BMAL2: variants seen among roughly 807,000 people sequenced by gnomAD.
BMAL2 encodes the protein basic helix-loop-helix ARNT-like protein 2.
chr12:27,355,234 C>G, the BMAL2 span, among the ~76,000 whole-genome samples: 6 of 152,200 alleles, frequency 3.9e-5, 1 homozygote, highest in African/African-American at 1.4e-4. Context: ...GACATTTCCT[C>G]TCCTCCCCAT....
At chr12:27,355,902 C>T in the BMAL2 span, among the ~76,000 whole-genome samples, 3 of 152,206 alleles carry the variant, frequency 2.0e-5, no homozygotes, top group African/African-American at 4.8e-5. Flanking sequence ...TGTGAGCCTT[C>T]GCTCCCCTAA....
chr12:27,419,747 C>T, the BMAL2 span, among the ~76,000 whole-genome samples: 1 of 152,168 alleles, frequency 6.6e-6, no homozygotes, highest in Non-Finnish European at 1.5e-5. Context: ...ATCTGAAGTT[C>T]CACTGTACTT....
At chr12:27,401,153 T>A in the BMAL2 span, 1 of 902,260 alleles carries the variant, frequency 1.1e-6, no homozygotes, top group Non-Finnish European at 1.8e-6. Flanking sequence ...ACTCATCCCC[T>A]ACCCTGTGCA....
the BMAL2 span, among the ~76,000 whole-genome samples, chr12:27,410,227 C>T: frequency 3.9e-5 from 6 of 152,146 alleles, no homozygotes; most frequent in Admixed American, 3.9e-4. Flanking sequence ...CCATTTGACC[C>T]AGCAATCCCA....
At chr12:27,407,095 A>AAGTAG in the BMAL2 span, among the ~76,000 whole-genome samples, 1 of 152,230 alleles carries the variant, frequency 6.6e-6, no homozygotes, top group Non-Finnish European at 1.5e-5. Flanking sequence ...TCATAAAGCA[A>AAGTAG]GTCCTTAGAG....
chr12:27,415,868 G>A, the BMAL2 span: 6 of 1,595,466 alleles, frequency 3.8e-6, no homozygotes, highest in Non-Finnish European at 5.1e-6. Flanking sequence ...ACTTTTTAAA[G>A]GTTACAGTCT....
the BMAL2 span, chr12:27,401,421 T>C: frequency 6.4e-7 from 1 of 1,554,672 alleles, no homozygotes; most frequent in African/African-American, 1.4e-5. Context: ...GTTTTAACTC[T>C]TAATTTCCCA....
the BMAL2 span, among the ~76,000 whole-genome samples, chr12:27,410,990 A>G: frequency 1.3e-5 from 2 of 152,168 alleles, no homozygotes; most frequent in Admixed American, 6.5e-5. Flanking sequence ...ATACGGTAAA[A>G]TAGACAAACT....
chr12:27,409,128 A>G, the BMAL2 span, among the ~76,000 whole-genome samples: 2 of 152,210 alleles, frequency 1.3e-5, no homozygotes, highest in South Asian at 2.1e-4. Flanking sequence ...TTCCATGCTC[A>G]TGGGTAGGAA....
the BMAL2 span, chr12:27,376,384 TC>T: frequency 3.7e-6 from 6 of 1,613,858 alleles, no homozygotes; most frequent in Non-Finnish European, 5.1e-6. Context: ...ATGAAGGCCT[TC>T]AGGTACAATT....
At chr12:27,400,839 C>A in the BMAL2 span, 2 of 1,352,796 alleles carry the variant, frequency 1.5e-6, no homozygotes, top group Non-Finnish European at 2.0e-6. Flanking sequence ...AAAGGCGTGT[C>A]TTAGTAGCAC....
chr12:27,408,716 A>G, the BMAL2 span, among the ~76,000 whole-genome samples: 3 of 152,112 alleles, frequency 2.0e-5, no homozygotes, highest in Non-Finnish European at 4.4e-5. Context: ...CCACTCCTAT[A>G]CAACATAGTG....
the BMAL2 span, among the ~76,000 whole-genome samples, chr12:27,344,801 C>G: frequency 1.3e-5 from 2 of 152,112 alleles, no homozygotes; most frequent in South Asian, 2.1e-4. Flanking sequence ...TTTCTCTGAG[C>G]CTTGGTTTTC....
the BMAL2 span, among the ~76,000 whole-genome samples, chr12:27,404,994 C>T: frequency 6.6e-6 from 1 of 152,160 alleles, no homozygotes; most frequent in South Asian, 2.1e-4. Context: ...CGGAGCCTCG[C>T]TCATTGCTAG....
chr12:27,401,557 C>A, the BMAL2 span: 1 of 1,605,798 alleles, frequency 6.2e-7, no homozygotes, highest in Admixed American at 1.7e-5. Context: ...CTTACAGATT[C>A]CTACAAATTC....
chr12:27,343,238 A>G, the BMAL2 span, among the ~76,000 whole-genome samples: 1 of 152,196 alleles, frequency 6.6e-6, no homozygotes, highest in African/African-American at 2.4e-5. Context: ...TATTTGTAAA[A>G]CTTTAACATT....
the BMAL2 span, among the ~76,000 whole-genome samples, chr12:27,385,169 C>T: frequency 6.6e-6 from 1 of 152,084 alleles, no homozygotes; most frequent in Non-Finnish European, 1.5e-5. Context: ...TAAAAATTAG[C>T]TGGGCGTGGT....
chr12:27,381,416 CAG>C, the BMAL2 span, among the ~76,000 whole-genome samples: 2 of 152,142 alleles, frequency 1.3e-5, no homozygotes, highest in Admixed American at 6.5e-5. Flanking sequence ...GGGGAGGCCT[CAG>C]GGAGCTTTCA....
the BMAL2 span, among the ~76,000 whole-genome samples, chr12:27,353,623 A>G: frequency 1.3e-5 from 2 of 152,216 alleles, no homozygotes; most frequent in Non-Finnish European, 2.9e-5. Flanking sequence ...AGGAAGTATC[A>G]AAAGAATAAA....
Sources: allele counts gnomAD v4.1 joint callset (sites outside exome capture counted in the v4.1 genomes callset), GRCh38; gene constraint gnomAD v4.1.1; transcripts MANE v1.5; gene names NCBI Gene and HGNC (gene_info 2026-07-23, HGNC 2026-07-21).